The following MAML3 variants were observed in gnomAD, a reference collection of about 807,000 sequenced individuals.
The protein encoded by MAML3 is mastermind-like protein 3.
MAML3 carries 27 observed loss-of-function variants against 101.9 expected under a neutral mutation model. The observed-to-expected ratio is 0.27, with a 90% CI of 0.20 to 0.37. The LOEUF is 0.37. Among genes scored for constraint, MAML3 ranks in the 10% least tolerant of loss-of-function variants. MAML3 has a pLI of 1.00. For synonymous variants in MAML3, 501 were observed against 555.9 expected, an observed-to-expected ratio of 0.90 and a Z score of 1.39; for missense variants, 1,316 against 1,444.9, an observed-to-expected ratio of 0.91 and a Z score of 1.45.
At chr4:139,964,022 C>T (rs1734076565) in intron 1 of MAML3, among the ~76,000 whole-genome samples, 1 of 152,166 alleles carries the variant, frequency 6.6e-6, no homozygotes, top group African/African-American at 2.4e-5. Context: ...CATATTTTTA[C>T]AGGCATGAGC....
At position 140,153,792 on chromosome 4, in the gene MAML3, ACGC is replaced by A; in HGVS notation, c.-468_-466del. On this transcript the variant is annotated 5_prime_UTR_variant, in exon 1 of 5. Coordinates refer to ENST00000509479, the MANE Select transcript of MAML3 (RefSeq NM_018717.5). ...ACAAGCATATGCCTCCAGTGCGGAC[ACGC>A]GCGACACACACTCACTCCACACCGC... The A allele has an allele frequency of 6.5e-6, 1 of 153,460 alleles. No individual in the cohort carries two copies. Among genetic ancestry groups the A allele is most frequent in the South Asian group, 2.0e-4 (1 of 4,892 alleles). 9.5% of individuals were successfully genotyped at this position (153,460 alleles called of 1,614,324 possible).
intron 2 of MAML3, among the ~76,000 whole-genome samples, chr4:139,736,082 A>C (rs1728932135): frequency 6.6e-6 from 1 of 152,204 alleles, no homozygotes; most frequent in Non-Finnish European, 1.5e-5. Context: ...AGGATGCCCC[A>C]GAAAACCTGT....
intron 2 of MAML3, among the ~76,000 whole-genome samples, chr4:139,804,182 T>C (rs1408979568): frequency 6.6e-6 from 1 of 152,106 alleles, no homozygotes; most frequent in African/African-American, 2.4e-5. Flanking sequence ...TCTTAAATAG[T>C]TGGCAACCAC....
intron 2 of MAML3, among the ~76,000 whole-genome samples, chr4:139,856,183 A>T (rs1731659126): frequency 6.6e-6 from 1 of 152,238 alleles, no homozygotes; most frequent in African/African-American, 2.4e-5. Flanking sequence ...TGTCCAGTAT[A>T]TGTGGAATAA....
chr4:139,853,799 G>A (rs1731603423), intron 2 of MAML3, among the ~76,000 whole-genome samples: 1 of 152,006 alleles, frequency 6.6e-6, no homozygotes, highest in South Asian at 2.1e-4. Flanking sequence ...GCAGCTATGA[G>A]ACCTTGGATA....
chr4:140,101,315 A>C (rs972269195), intron 1 of MAML3, among the ~76,000 whole-genome samples: 10 of 152,112 alleles, frequency 6.6e-5, no homozygotes, highest in African/African-American at 1.9e-4. Context: ...TTTTCCTCTA[A>C]AGGGAGGAAA....
At chr4:140,052,555 G>A (rs1277197609) in intron 1 of MAML3, among the ~76,000 whole-genome samples, 2 of 146,002 alleles carry the variant, frequency 1.4e-5, no homozygotes, top group Non-Finnish European at 3.0e-5. Context: ...TTTTTTTTGA[G>A]GTGGAGTCTC....
intron 1 of MAML3, among the ~76,000 whole-genome samples, chr4:139,967,322 G>T (rs575833280): frequency 7.5e-4 from 114 of 152,154 alleles, no homozygotes; most frequent in African/African-American, 2.7e-3. Flanking sequence ...CCTTCCTGTG[G>T]GTAGCATGTG....
chr4:140,100,144 G>C (rs1239144660), intron 1 of MAML3, among the ~76,000 whole-genome samples: 3 of 150,970 alleles, frequency 2.0e-5, no homozygotes, highest in African/African-American at 7.3e-5. Context: ...CCACTCCTCC[G>C]GGATGCCAGC....
chr4:139,968,372 T>C (rs959405812), intron 1 of MAML3, among the ~76,000 whole-genome samples: 3 of 146,576 alleles, frequency 2.0e-5, no homozygotes, highest in African/African-American at 7.6e-5. Flanking sequence ...CCAGAGCCCA[T>C]ATGAGGTTTA....
chr4:139,790,821 CT>C (rs908422570), intron 2 of MAML3, among the ~76,000 whole-genome samples: 3 of 152,132 alleles, frequency 2.0e-5, no homozygotes, highest in Non-Finnish European at 4.4e-5. Context: ...TTGTTGCTAC[CT>C]TTTGGCTATT....
intron 2 of MAML3, among the ~76,000 whole-genome samples, chr4:139,780,962 C>T (rs1414722487): frequency 6.6e-6 from 1 of 152,076 alleles, no homozygotes; most frequent in Non-Finnish European, 1.5e-5. Context: ...AAGAATTACA[C>T]AGGCTCTGAT....
intron 1 of MAML3, among the ~76,000 whole-genome samples, chr4:140,077,972 C>T (rs1452949935): frequency 2.6e-5 from 4 of 151,910 alleles, no homozygotes; most frequent in Non-Finnish European, 4.4e-5. Context: ...GAGCCGAGAT[C>T]GTGCCAATGC....
At chr4:139,831,507 T>C (rs544269446) in intron 2 of MAML3, among the ~76,000 whole-genome samples, 10 of 152,200 alleles carry the variant, frequency 6.6e-5, no homozygotes, top group South Asian at 2.1e-4. Flanking sequence ...TGTCTGTTTA[T>C]TGATAAAGGC....
At position 140,076,977 on chromosome 4, in the gene MAML3, C is replaced by T. The variant is rs28665002; in HGVS notation, c.468+75883G>A. ...CAATCTCGGCTCACTGCAACCTCCG[C>T]CTCCAGGGTTCAAGCAATTCACTCT... is the stretch of plus-strand genomic sequence containing the variant. On this transcript the variant is annotated intron_variant, in intron 1 of 4. Transcript: ENST00000509479. 6.1e-3 allele frequency among the ~76,000 whole-genome samples: 934 copies of T among 152,246 alleles called. 7 individuals are homozygous for T. The highest frequency in any genetic ancestry group is 0.024 in the Middle Eastern group (7 of 294).
chr4:139,981,533 C>T (rs1734444457), intron 1 of MAML3, among the ~76,000 whole-genome samples: 1 of 152,116 alleles, frequency 6.6e-6, no homozygotes, highest in African/African-American at 2.4e-5. Context: ...TAGCATGGTA[C>T]ATTTGTCACA....
intron 2 of MAML3, among the ~76,000 whole-genome samples, chr4:139,784,937 G>C (rs949642478): frequency 6.6e-6 from 1 of 152,208 alleles, no homozygotes; most frequent in Non-Finnish European, 1.5e-5. Flanking sequence ...ACGAGGAGGG[G>C]TGGGAGGGTG....
chr4:139,828,944 G>C (rs981009217), intron 2 of MAML3, among the ~76,000 whole-genome samples: 2 of 151,204 alleles, frequency 1.3e-5, no homozygotes, highest in African/African-American at 4.9e-5. Context: ...CTGAACTCCA[G>C]CCTGGGTGAC....
chr4:139,742,194 G>A (rs1729193265), intron 2 of MAML3, among the ~76,000 whole-genome samples: 1 of 149,710 alleles, frequency 6.7e-6, no homozygotes, highest in Non-Finnish European at 1.5e-5. Context: ...TGTCAGCCAG[G>A]CTGAAGTGCA....
Sources: allele counts gnomAD v4.1 joint callset (sites outside exome capture counted in the v4.1 genomes callset), GRCh38; gene constraint gnomAD v4.1.1; transcripts MANE v1.5; gene names NCBI Gene and HGNC (gene_info 2026-07-23, HGNC 2026-07-21).